The following RPS5 variants were observed in gnomAD, a reference collection of about 807,000 sequenced individuals.
RPS5 encodes small ribosomal subunit protein uS7.
Under a neutral mutation model 20.9 loss-of-function variants are expected in RPS5, and 2 were observed. That is an observed-to-expected ratio of 0.10 (90% CI 0.04 to 0.30). The LOEUF (loss-of-function observed/expected upper bound fraction) is 0.30, where lower values mean the gene tolerates loss of function less well. RPS5 is among the 10% of genes least tolerant of loss of function. The pLI is 1.00. For missense variants in RPS5, 122 were observed against 287.2 expected, an observed-to-expected ratio of 0.42 and a Z score of 4.16; for synonymous variants, 112 against 105.8, an observed-to-expected ratio of 1.06 and a Z score of -0.36.
At chr19:58,393,330 T>G (rs765671546) in intron 3 of RPS5, 29 bp from the exon 4 acceptor site, 7 of 1,611,578 alleles carry the variant, frequency 4.3e-6, no homozygotes, top group Non-Finnish European at 5.9e-6. Flanking sequence ...TGGGGCTGGA[T>G]GTCAGGCTCA....
chr19:58,388,167 G>A lies in RPS5; in HGVS notation c.30G>A (p.Ala10=), dbSNP rs142305058. The A allele has an allele frequency of 8.0e-4, 1,288 of 1,612,904 alleles. 13 individuals are homozygous for A. In the South Asian group the frequency reaches 9.4e-3, roughly 12 times the overall value. The change falls in exon 2 of 6, where the codon GCG becomes GCA. Residue 10 remains alanine (A), a synonymous_variant. Transcript: ENST00000196551. MTEWETAAP[A]VAETPDIKLF... is the part of the protein sequence containing the mutation. The stretch of plus-strand genomic sequence containing the variant: ...CCGAGTGGGAGACAGCAGCACCAGC[G>A]GTGGCAGAGACCCCAGACATCAAGC...
At chr19:58,387,716 A>G in intron 1 of RPS5, 1 of 224,594 alleles carries the variant, frequency 4.5e-6, no homozygotes, top group South Asian at 5.4e-5. Context: ...CACGGTACCT[A>G]CCGTGGTCCT....
At chr19:58,393,282 C>T (rs2052375748) in intron 3 of RPS5, 77 bp from the exon 4 acceptor site, 5 of 1,608,292 alleles carry the variant, frequency 3.1e-6, no homozygotes, top group Non-Finnish European at 4.3e-6. Flanking sequence ...GTGGTGTGGT[C>T]ACTCTTGTTT....
Position 58,394,669 on chromosome 19 carries a change from T to C in RPS5, c.547-13T>C. ...GGGTCCTTCAGAATTCAGAGCTGTGTGTCTCCTTGCAGGGCTCCTCGAACT... is the reference window on the plus strand; with the variant it reads ...GGGTCCTTCAGAATTCAGAGCTGTGCGTCTCCTTGCAGGGCTCCTCGAACT... On this transcript the variant is annotated splice_polypyrimidine_tract_variant and intron_variant, in intron 5 of 5. Coordinates refer to ENST00000196551, the MANE Select transcript of RPS5 (RefSeq NM_001009.4). 6.2e-7 allele frequency: 1 copy of C among 1,614,136 alleles called. No individual in the cohort carries two copies. The highest frequency in any genetic ancestry group is 8.5e-7 in the Non-Finnish European group (1 of 1,180,000).
At chr19:58,392,781 TAA>T (rs2052372178) in intron 2 of RPS5, among the ~76,000 whole-genome samples, 193 bp from the exon 3 acceptor site, 2 of 152,292 alleles carry the variant, frequency 1.3e-5, no homozygotes, top group South Asian at 4.1e-4. Context: ...AGCGACTTGG[TAA>T]AGTCACCTGT....
At chr19:58,388,025 A>AC (rs531802928) in intron 1 of RPS5, 112 bp from the exon 2 acceptor site, 482 of 684,078 alleles carry the variant, frequency 7.0e-4, no homozygotes, top group Non-Finnish European at 1.1e-3. Context: ...GTCCTTTGCG[A>AC]CCCCCCAGTT....
intron 1 of RPS5, chr19:58,387,805 A>C: frequency 3.2e-6 from 1 of 317,114 alleles, no homozygotes; most frequent in Non-Finnish European, 6.0e-6. Flanking sequence ...AAGACCATGT[A>C]AATCGCGAGA....
At chr19:58,389,321 G>A (rs905424596) in intron 2 of RPS5, among the ~76,000 whole-genome samples, 3 of 152,058 alleles carry the variant, frequency 2.0e-5, no homozygotes, top group Admixed American at 2.0e-4. Context: ...ACCCAGGCTG[G>A]AGTGCAGTGG....
chr19:58,393,629 A>T, intron 4 of RPS5, 142 bp downstream of exon 4: 1 of 1,091,402 alleles, frequency 9.2e-7, no homozygotes, highest in South Asian at 1.6e-5. Context: ...CTGGATTCCC[A>T]CCCTGCATAG....
chr19:58,393,080 C>T lies in RPS5; in HGVS notation c.213C>T (p.Arg71=). ...AAGCTCAGTGTCCCATTGTGGAGCG[C>T]CTCACTAACTCCATGATGATGCACG... ...FRKAQCPIVE[R]LTNSMMMHGR... Residue 71 remains arginine, a synonymous_variant, in exon 3 of 6, where the codon CGC becomes CGT. Coordinates refer to ENST00000196551, the MANE Select transcript of RPS5 (RefSeq NM_001009.4). 6.2e-7 allele frequency: 1 copy of T among 1,614,226 alleles called. No homozygotes were observed. The highest frequency in any genetic ancestry group is 8.5e-7 in the Non-Finnish European group (1 of 1,180,038).
chr19:58,390,220 G>A (rs979740901), intron 2 of RPS5, among the ~76,000 whole-genome samples: 1 of 147,918 alleles, frequency 6.8e-6, no homozygotes, highest in African/African-American at 2.5e-5. Context: ...GTGAGACAGA[G>A]TCTCTCTCTG....
chr19:58,388,632 CGTA>C, intron 2 of RPS5: 1 of 296,710 alleles, frequency 3.4e-6, no homozygotes, highest in African/African-American at 2.4e-5. Flanking sequence ...ATCAGCTGGC[CGTA>C]GTTTTTTTTT....
intron 2 of RPS5, among the ~76,000 whole-genome samples, chr19:58,392,195 G>T (rs546397745): frequency 6.6e-6 from 1 of 151,992 alleles, no homozygotes; most frequent in South Asian, 2.1e-4. Flanking sequence ...TTGGTGGCGC[G>T]TGCCTGTAAT....
intron 4 of RPS5, 168 bp from the exon 5 acceptor site, chr19:58,394,329 T>G (rs2052383269): frequency 1.6e-6 from 1 of 619,272 alleles, no homozygotes; most frequent in Non-Finnish European, 2.9e-6. Flanking sequence ...GTCTGGACAC[T>G]TGCTCTTGTG....
Position 58,392,999 on chromosome 19 carries a change from G to A in RPS5, c.132G>A (p.Lys44=), listed in dbSNP as rs2052373488. The A allele has an allele frequency of 6.2e-7, 1 of 1,613,800 alleles. No homozygotes were observed. Among genetic ancestry groups the A allele is most frequent in the East Asian group, 2.2e-5 (1 of 44,892 alleles). ...SLQDYIAVKE[K]YAKYLPHSAG... The stretch of plus-strand genomic sequence containing the variant: ...AGGATTACATTGCAGTGAAGGAGAA[G>A]TATGCCAAGTACCTGCCTCACAGTG... The change falls in exon 3 of 6, where the codon AAG becomes AAA. Residue 44 remains lysine (K), a synonymous_variant. Coordinates refer to ENST00000196551, the MANE Select transcript of RPS5 (RefSeq NM_001009.4).
At chr19:58,393,651 G>GA in intron 4 of RPS5, 164 bp downstream of exon 4, 1 of 837,852 alleles carries the variant, frequency 1.2e-6, no homozygotes, top group Non-Finnish European at 1.8e-6. Flanking sequence ...GGCTGATCCA[G>GA]GCTCTGGGTC....
chr19:58,390,880 A>G (rs1480693195), intron 2 of RPS5, among the ~76,000 whole-genome samples: 1 of 152,138 alleles, frequency 6.6e-6, no homozygotes, highest in Non-Finnish European at 1.5e-5. Context: ...AGACTATGAA[A>G]TAGTACTGAG....
chr19:58,393,338 T>TCATATCCC, intron 3 of RPS5, 21 bp from the exon 4 acceptor site: 1 of 1,612,716 alleles, frequency 6.2e-7, no homozygotes. Context: ...GATGTCAGGC[T>TCATATCCC]CATATCCCCC....
chr19:58,388,587 TC>T (rs916639725), intron 2 of RPS5: 2 of 394,870 alleles, frequency 5.1e-6, no homozygotes, highest in African/African-American at 4.1e-5. Context: ...ATGTTTTTTT[TC>T]CCTCAATTGA....
Sources: gnomAD v4.1 joint callset for allele counts (sites outside exome capture counted in the v4.1 genomes callset) on GRCh38, gnomAD v4.1.1 for gene constraint, MANE v1.5 for transcripts, NCBI Gene and HGNC (gene_info 2026-07-23, HGNC 2026-07-21) for gene names.